The following PCDHGB4 variants were observed in gnomAD, a reference collection of about 807,000 sequenced individuals.
PCDHGB4 encodes the protein protocadherin gamma subfamily B, 4, also known as protocadherin gamma-B4.
In PCDHGB4, 38 loss-of-function variants were observed where a neutral mutation model predicts 60.5. The observed-to-expected ratio is 0.63, with a 90% CI of 0.48 to 0.82. The LOEUF (loss-of-function observed/expected upper bound fraction) is 0.82, where lower values mean the gene tolerates loss of function less well. Ranked by LOEUF, PCDHGB4 falls within the 40% of genes least tolerant of loss-of-function variation. The probability of loss-of-function intolerance (pLI) is 0.00; values close to 1 mark genes in which losing one functional copy is unlikely to be tolerated. For synonymous variants in PCDHGB4, 456 were observed against 509.7 expected (o/e 0.89, Z 1.42); for missense variants, 1,109 against 1,209.6 (o/e 0.92, Z 1.23).
intron 1 of PCDHGB4, among the ~76,000 whole-genome samples, chr5:141,445,746 TA>T (rs1486411811): frequency 2.0e-5 from 3 of 152,028 alleles, no homozygotes; most frequent in Non-Finnish European, 4.4e-5. Flanking sequence ...TTTTAAAAAA[TA>T]AAAGGTGTGA....
rs115568443 is a variant in PCDHGB4 at position 141,439,423 on chromosome 5, A to G, written c.2397+49142A>G. On this transcript the variant is annotated intron_variant, in intron 1 of 3. Coordinates refer to ENST00000519479, the MANE Select transcript of PCDHGB4 (RefSeq NM_003736.4). ...TGTGCTAACATCACTGAGGTTATAA[A>G]TTCCCAGGAATATTTTATTGCGGGA... 1.0e-2 allele frequency among the ~76,000 whole-genome samples: 1,522 copies of G among 152,306 alleles called. 34 individuals carry two copies. Among genetic ancestry groups the G allele is most frequent in the African/African-American group, 0.034 (1,425 of 41,558 alleles).
chr5:141,399,097 G>GT (rs1217179640), intron 1 of PCDHGB4: 2 of 1,613,816 alleles, frequency 1.2e-6, no homozygotes, highest in Admixed American at 3.3e-5. Flanking sequence ...TGGTGGACTG[G>GT]TTGCACAATG....
chr5:141,503,671 A>G (rs1028896082), intron 2 of PCDHGB4, among the ~76,000 whole-genome samples: 2 of 151,950 alleles, frequency 1.3e-5, no homozygotes, highest in Non-Finnish European at 2.9e-5. Flanking sequence ...AACTCTTCCC[A>G]CTTTTGGGAA....
chr5:141,433,098 T>G, intron 1 of PCDHGB4: 1 of 1,614,204 alleles, frequency 6.2e-7, no homozygotes, highest in Non-Finnish European at 8.5e-7. Context: ...GACATGCTCG[T>G]CAGCCAGGAG....
At chr5:141,430,751 A>G in intron 1 of PCDHGB4, 1 of 1,496,066 alleles carries the variant, frequency 6.7e-7, no homozygotes, top group Non-Finnish European at 8.9e-7. Context: ...ATTCTGGAGG[A>G]AGATAAGAAT....
In PCDHGB4 at chr5:141,490,761, G is replaced by GTA. The variant is rs1380770489; in HGVS notation, c.2398-4044_2398-4043dup. The GTA allele has an allele frequency of 6.2e-7, 1 of 1,614,048 alleles. No individual in the cohort carries two copies. The highest frequency in any genetic ancestry group is 1.3e-5 in the African/African-American group (1 of 74,920). On this transcript the variant is annotated intron_variant, in intron 1 of 3. Coordinates refer to ENST00000519479, the MANE Select transcript of PCDHGB4 (RefSeq NM_003736.4). The surrounding 1 kb of genome is among the most constrained non-coding windows in gnomAD (Gnocchi z 5.4). ...AGGGAGCCCCAGCCTCCTCCTTTGT[G>GTA]TATGTCAACCCAGAGGATGGACGGA...
chr5:141,423,267 G>A (rs530404769), intron 1 of PCDHGB4: 1 of 1,613,710 alleles, frequency 6.2e-7, no homozygotes, highest in Non-Finnish European at 8.5e-7. Flanking sequence ...GCAGCCTCGA[G>A]TCTCTGGCTA....
intron 1 of PCDHGB4, chr5:141,396,086 G>T (rs2093341467): frequency 6.6e-6 from 1 of 152,152 alleles, no homozygotes; most frequent in Non-Finnish European, 1.5e-5. Flanking sequence ...GATGTGAAGT[G>T]GTGAGAATGT....
At position 141,414,415 on chromosome 5, in the gene PCDHGB4, C is replaced by T. The variant is rs769791452; in HGVS notation, c.2397+24134C>T. ...TTACAGATTGGTGATACACAGAGCC[C>T]TTGACAGGGAACAGGTATCCTCTTA... On this transcript the variant is annotated intron_variant, in intron 1 of 3. Coordinates refer to ENST00000519479, the MANE Select transcript of PCDHGB4 (RefSeq NM_003736.4). The T allele has an allele frequency of 2.5e-6, 4 of 1,613,758 alleles. No individual in the cohort carries two copies. Among genetic ancestry groups the T allele is most frequent in the Non-Finnish European group, 8.5e-7 (1 of 1,179,880 alleles).
intron 2 of PCDHGB4, among the ~76,000 whole-genome samples, chr5:141,498,451 T>C (rs1426888821): frequency 6.6e-6 from 1 of 152,126 alleles, no homozygotes; most frequent in Non-Finnish European, 1.5e-5. Context: ...AGGTTCCTTT[T>C]ATCCAGTCTA....
chr5:141,433,993 T>G (rs1367687577), intron 1 of PCDHGB4, among the ~76,000 whole-genome samples: 1 of 152,216 alleles, frequency 6.6e-6, no homozygotes, highest in Non-Finnish European at 1.5e-5. Context: ...GAGTTTTATA[T>G]TCTCTATATA....
At chr5:141,469,833 TTA>T (rs1343669772) in intron 1 of PCDHGB4, among the ~76,000 whole-genome samples, 2 of 152,054 alleles carry the variant, frequency 1.3e-5, no homozygotes, top group Non-Finnish European at 2.9e-5. Flanking sequence ...CACATAAAAC[TTA>T]TTCTTAAGAT....
chr5:141,505,405 C>T lies in PCDHGB4; in HGVS notation c.2469C>T (p.Gly823=), dbSNP rs745516568. 2.5e-6 allele frequency: 4 copies of T among 1,614,130 alleles called. No individual in the cohort carries two copies. The highest frequency in any genetic ancestry group is 3.3e-4 in the Middle Eastern group (2 of 6,062). ...QRPGTSGSQN[G]DDTGTWPNNQ... ...ACTCTCTCCCCAGCTCCCAAAATGG[C>T]GATGACACCGGCACCTGGCCCAACA... Residue 823 remains glycine (G), a synonymous_variant, in exon 3 of 4, where the codon GGC becomes GGT. Transcript: ENST00000519479.
chr5:141,433,767 G>T (rs1237334342), intron 1 of PCDHGB4, among the ~76,000 whole-genome samples: 1 of 151,532 alleles, frequency 6.6e-6, no homozygotes, highest in Non-Finnish European at 1.5e-5. Flanking sequence ...AACCTGGGAG[G>T]TGGAGGTTGC....
chr5:141,500,467 C>T lies in PCDHGB4; in HGVS notation c.2457-4926C>T, dbSNP rs368360639. 6.6e-5 allele frequency among the ~76,000 whole-genome samples: 10 copies of T among 152,262 alleles called. No homozygotes were observed. In the South Asian group the frequency reaches 2.1e-3, roughly 32 times the overall value. ...CTCGTGATCCGCCCGCCTCGGCCTC[C>T]CAAAGTGCTGGGATTACAGGCGTGA... is the stretch of plus-strand genomic sequence containing the variant. On this transcript the variant is annotated intron_variant, in intron 2 of 3. Coordinates refer to ENST00000519479, the MANE Select transcript of PCDHGB4 (RefSeq NM_003736.4).
chr5:141,426,559 C>T (rs1401963895), intron 1 of PCDHGB4: 1 of 353,038 alleles, frequency 2.8e-6, no homozygotes, highest in Non-Finnish European at 5.6e-6. Context: ...CAGAATAGAT[C>T]GAGAGTCACT....
At chr5:141,504,302 C>T (rs969760258) in intron 2 of PCDHGB4, among the ~76,000 whole-genome samples, 9 of 152,004 alleles carry the variant, frequency 5.9e-5, no homozygotes, top group African/African-American at 1.5e-4. Context: ...TTTCAACACT[C>T]GGAGTTTCTA....
chr5:141,428,392 T>A, intron 1 of PCDHGB4: 1 of 497,196 alleles, frequency 2.0e-6, no homozygotes, highest in Admixed American at 3.1e-5. Flanking sequence ...TTCCAGCCCC[T>A]CTGCCTGGGG....
chr5:141,432,506 G>A lies in PCDHGB4; in HGVS notation c.2397+42225G>A. 3 of 1,614,140 alleles carry A rather than the reference G, an allele frequency of 1.9e-6. No homozygotes were observed. Among genetic ancestry groups the A allele is most frequent in the Non-Finnish European group, 2.5e-6 (3 of 1,180,036 alleles). On this transcript the variant is annotated intron_variant, in intron 1 of 3. Transcript: ENST00000519479. This position sits in a 1 kb window ranked among gnomAD's most constrained non-coding sequence, Gnocchi z 6.0. ...CGTGGAGCTGGCTCCCCGCTCCGCA[G>A]AGCCCGGCTACCTGGTGACCAAGGT... is the stretch of plus-strand genomic sequence containing the variant.
Sources: gnomAD v4.1 joint callset for allele counts (sites outside exome capture counted in the v4.1 genomes callset) on GRCh38, gnomAD v4.1.1 for gene constraint, Gnocchi (gnomAD v3.1) non-coding constraint, MANE v1.5 for transcripts, NCBI Gene and HGNC (gene_info 2026-07-23, HGNC 2026-07-21) for gene names.